The following RBM20 variants were observed in gnomAD, a reference collection of about 807,000 sequenced individuals.
The protein encoded by RBM20 is RNA-binding protein 20.
A neutral mutation model predicts 110.1 loss-of-function variants in RBM20; 51 were observed. The ratio of observed to expected loss-of-function variants is 0.46; its 90% confidence interval spans 0.37 to 0.59. The LOEUF (loss-of-function observed/expected upper bound fraction) is 0.59, where lower values mean the gene tolerates loss of function less well. RBM20 is among the 20% of genes least tolerant of loss of function. The pLI is 0.00. For missense variants in RBM20, 1,512 were observed against 1,574.9 expected (o/e 0.96, Z 0.68); for synonymous variants, 589 against 618.2 (o/e 0.95, Z 0.70).
intron 1 of RBM20, among the ~76,000 whole-genome samples, chr10:110,701,418 C>CGCA (rs1862756467): frequency 6.6e-6 from 1 of 152,078 alleles, no homozygotes; most frequent in Non-Finnish European, 1.5e-5. Flanking sequence ...GAATGGTACT[C>CGCA]GCATCAGCCT....
chr10:110,813,088 C>G, intron 9 of RBM20, 141 bp downstream of exon 9: 1 of 614,346 alleles, frequency 1.6e-6, no homozygotes, highest in Non-Finnish European at 2.6e-6. Context: ...GTGCAAGACA[C>G]TTTATCTCAA....
At chr10:110,780,504 G>C (rs181460016) in intron 1 of RBM20, among the ~76,000 whole-genome samples, 99 of 152,250 alleles carry the variant, frequency 6.5e-4, no homozygotes, top group African/African-American at 2.3e-3. Flanking sequence ...CCAACACGGA[G>C]TGCCATTTTA....
At chr10:110,756,457 G>C (rs1240576474) in intron 1 of RBM20, 1 of 152,252 alleles carries the variant, frequency 6.6e-6, no homozygotes, top group Non-Finnish European at 1.5e-5. Flanking sequence ...ACTGAGGATG[G>C]CTGTGAAAGT....
rs188054898 is a variant in RBM20 at position 110,821,789 on chromosome 10, G to A, written c.3170G>A (p.Arg1057Gln). Residue 1057 changes from arginine to glutamine, a missense_variant, in exon 11 of 14, where the codon CGG becomes CAG. Physicochemically the swap from Arg to Gln is conservative, Grantham distance 43 (BLOSUM62 1). Coordinates refer to ENST00000369519, the MANE Select transcript of RBM20 (RefSeq NM_001134363.3). ...CCTAAGCCAGCAGAGGAGAGGGCCC[G>A]GCAGCCAAGCCCATTTGTGGATGAT... ...SSPKPAEERA[R>Q]QPSPFVDDCK... 3.5e-3 allele frequency: 5,407 copies of A among 1,551,720 alleles called. 147 individuals are homozygous for A. In the South Asian group the frequency reaches 0.048, roughly 14 times the overall value.
intron 1 of RBM20, among the ~76,000 whole-genome samples, chr10:110,654,703 A>G (rs1369907151): frequency 6.6e-6 from 1 of 152,088 alleles, no homozygotes; most frequent in African/African-American, 2.4e-5. Context: ...TGGTACTCCT[A>G]TTTTCATACA....
chr10:110,758,611 G>A (rs572894985), intron 1 of RBM20, among the ~76,000 whole-genome samples: 1 of 152,244 alleles, frequency 6.6e-6, no homozygotes, highest in African/African-American at 2.4e-5. Context: ...AAGATATGAA[G>A]CGACACTGCC....
chr10:110,753,024 T>C (rs1564835298), intron 1 of RBM20, among the ~76,000 whole-genome samples: 2 of 146,428 alleles, frequency 1.4e-5, no homozygotes, highest in African/African-American at 5.1e-5. Context: ...CTGCAACCTC[T>C]GCCTCCCGGG....
chr10:110,810,608 A>G, intron 8 of RBM20, 146 bp downstream of exon 8: 1 of 572,254 alleles, frequency 1.7e-6, no homozygotes, highest in South Asian at 2.4e-5. Context: ...CCACTTTTCC[A>G]TGTTCCCCAT....
intron 1 of RBM20, among the ~76,000 whole-genome samples, chr10:110,751,945 G>A (rs886838198): frequency 2.6e-5 from 4 of 151,702 alleles, no homozygotes; most frequent in East Asian, 1.9e-4. Flanking sequence ...AGAGATTTCC[G>A]ATATACCCCC....
rs993569055 is a variant in RBM20, at chr10:110,797,638, C to T, written c.1658C>T (p.Ser553Leu). Reference protein sequence around the residue: ...GKVTNYILMKSTNQAFLEMAY... With the variant: ...GKVTNYILMKLTNQAFLEMAY... ...GTCACTAATTACATCCTCATGAAGT[C>T]GACTAATCAGGTAGGTCTGGGTACT... Residue 553 changes from serine to leucine, a missense_variant, in exon 6 of 14, where the codon TCG becomes TTG. This residue lies in a region of RBM20 where 1,149 missense variants were observed against 1,169.4 expected (regional missense o/e 0.98). Coordinates refer to ENST00000369519, the MANE Select transcript of RBM20 (RefSeq NM_001134363.3). 5.2e-6 allele frequency: 8 copies of T among 1,551,580 alleles called. No homozygotes were observed. The highest frequency in any genetic ancestry group is 2.7e-5 in the African/African-American group (2 of 72,988).
intron 12 of RBM20, 149 bp downstream of exon 12, chr10:110,823,763 G>A: frequency 1.2e-6 from 1 of 844,490 alleles, no homozygotes; most frequent in South Asian, 1.6e-5. Context: ...TGTCACCCAG[G>A]CTGCAGTGCA....
intron 1 of RBM20, among the ~76,000 whole-genome samples, chr10:110,759,610 C>A (rs1160605432): frequency 6.6e-6 from 1 of 152,112 alleles, no homozygotes; most frequent in Non-Finnish European, 1.5e-5. Context: ...CCAGCAGGGG[C>A]AGAGGGAGGG....
chr10:110,681,198 C>T (rs1441890898), intron 1 of RBM20, among the ~76,000 whole-genome samples: 4 of 152,170 alleles, frequency 2.6e-5, no homozygotes, highest in African/African-American at 4.8e-5. Flanking sequence ...AGAACTGGCC[C>T]GGAATCCCAG....
At chr10:110,820,499 C>T (rs1054232891) in intron 10 of RBM20, among the ~76,000 whole-genome samples, 8 of 152,208 alleles carry the variant, frequency 5.3e-5, no homozygotes, top group Admixed American at 2.6e-4. Flanking sequence ...AGTCCCTTGG[C>T]GGGGATGGGG....
intron 5 of RBM20, among the ~76,000 whole-genome samples, chr10:110,791,581 G>C (rs567718968): frequency 2.0e-5 from 3 of 152,308 alleles, no homozygotes; most frequent in South Asian, 2.1e-4. Flanking sequence ...ATACAAGTCT[G>C]TTTGCTTCTT....
chr10:110,645,503 C>T (rs1228961045), intron 1 of RBM20, among the ~76,000 whole-genome samples: 5 of 152,192 alleles, frequency 3.3e-5, no homozygotes, highest in African/African-American at 4.8e-5. Context: ...GAATGATGCG[C>T]ACCTCTGCGA....
Position 110,812,664 on chromosome 10 carries a change from A to G in RBM20, c.2267A>G (p.Glu756Gly). 1.3e-6 allele frequency: 2 copies of G among 1,551,734 alleles called. No individual in the cohort carries two copies. The highest frequency in any genetic ancestry group is 1.7e-6 in the Non-Finnish European group (2 of 1,147,016). The change falls in exon 9 of 14, where the codon GAA becomes GGA. Residue 756 changes from glutamate (E) to glycine (G), a missense_variant. Transcript: ENST00000369519. ...TCTGTGTCCAGCTACAAAAGCCGTG[A>G]AGACGGCTACTACCGGAAAGAGCCC... ...PHSVSSYKSR[E>G]DGYYRKEPKA...
rs1327926550 is a variant in RBM20, at chr10:110,674,675, A to C, written c.191+30030A>C. ...AAGCTGGTAATAAGTGCAGGCGTTAAGATTGATCACTGCTTAAGTCTTCAA... is the reference window on the plus strand; with the variant it reads ...AAGCTGGTAATAAGTGCAGGCGTTACGATTGATCACTGCTTAAGTCTTCAA... On this transcript the variant is annotated intron_variant, in intron 1 of 13. Transcript: ENST00000369519. 2.6e-5 allele frequency among the ~76,000 whole-genome samples: 4 copies of C among 152,244 alleles called. No individual in the cohort carries two copies. In the East Asian group the frequency reaches 7.7e-4, roughly 29 times the overall value.
chr10:110,815,483 A>C (rs905407299), intron 9 of RBM20, among the ~76,000 whole-genome samples: 1 of 152,212 alleles, frequency 6.6e-6, no homozygotes, highest in South Asian at 2.1e-4. Flanking sequence ...GAACCAGTGG[A>C]TATTTTAAAA....
Sources: allele counts gnomAD v4.1 joint callset (sites outside exome capture counted in the v4.1 genomes callset), GRCh38; gene constraint gnomAD v4.1.1; regional missense constraint gnomAD v4.1.1; transcripts MANE v1.5; gene names NCBI Gene and HGNC (gene_info 2026-07-23, HGNC 2026-07-21).